CYP1A2: variants seen among roughly 807,000 people sequenced by gnomAD.
CYP1A2 encodes cytochrome P450 family 1 subfamily A member 2.
A neutral mutation model predicts 34.7 loss-of-function variants in CYP1A2; 35 were observed. That is an observed-to-expected ratio of 1.01 (90% CI 0.77 to 1.34). The LOEUF (loss-of-function observed/expected upper bound fraction) is 1.34, where lower values mean the gene tolerates loss of function less well. Ranked by LOEUF, CYP1A2 falls within the 40% of genes most tolerant of loss-of-function variation. The probability of loss-of-function intolerance (pLI) is 0.00; values close to 1 mark genes in which losing one functional copy is unlikely to be tolerated. For synonymous variants in CYP1A2, 288 were observed against 281.9 expected (o/e 1.02, Z -0.22); for missense variants, 675 against 675.8 (o/e 1.00, Z 0.01).
chr15:74,755,380 A>AC lies in CYP1A2; in HGVS notation c.*294dup, dbSNP rs150722579. ...AAAAAAACAAACAAACAAAAAAAAA[A>AC]CCATATATATACATATATATATAGC... On this transcript the variant is annotated 3_prime_UTR_variant, in exon 7 of 7. Coordinates refer to ENST00000343932, the MANE Select transcript of CYP1A2 (RefSeq NM_000761.5). 6,480 of 265,762 alleles carry AC rather than the reference A, an allele frequency of 0.024. 290 individuals carry two copies. The highest frequency in any genetic ancestry group is 0.09 in the South Asian group (1,257 of 13,962). 16.5% of individuals were successfully genotyped at this position (265,762 alleles called of 1,614,324 possible).
In CYP1A2 at chr15:74,751,790, C is replaced by A; in HGVS notation, c.978C>A (p.Ile326=). 6.2e-7 allele frequency: 1 copy of A among 1,614,188 alleles called. No individual in the cohort carries two copies. Among genetic ancestry groups the A allele is most frequent in the Non-Finnish European group, 8.5e-7 (1 of 1,180,024 alleles). Residue 326 remains isoleucine, a synonymous_variant, in exon 4 of 7, where the codon ATC becomes ATA. Transcript: ENST00000343932. ...GATTTGACACAGTCACCACAGCCATCTCCTGGAGCCTCATGTACCTTGTGA... is the reference window on the plus strand; with the variant it reads ...GATTTGACACAGTCACCACAGCCATATCCTGGAGCCTCATGTACCTTGTGA... ...GAGFDTVTTA[I]SWSLMYLVTK...
Position 74,754,878 on chromosome 15 carries a change from G to A in CYP1A2, c.1341G>A (p.Lys447=). 1 of 1,614,228 alleles carries A rather than the reference G, an allele frequency of 6.2e-7. No individual in the cohort carries two copies. The highest frequency in any genetic ancestry group is 8.5e-7 in the Non-Finnish European group (1 of 1,180,056). Residue 447 remains lysine, a synonymous_variant, in exon 7 of 7, where the codon AAG becomes AAA. Transcript: ENST00000343932. ...CCATTAACAAGCCCTTGAGTGAGAA[G>A]ATGATGCTGTTTGGCATGGGCAAGC... ...GTAINKPLSE[K]MMLFGMGKRR... is the part of the protein sequence containing the mutation.
chr15:74,752,409 C>T (rs2063320497), intron 5 of CYP1A2, among the ~76,000 whole-genome samples, 162 bp downstream of exon 5: 1 of 152,178 alleles, frequency 6.6e-6, no homozygotes, highest in Non-Finnish European at 1.5e-5. Context: ...TAATCTAACC[C>T]CCAGCTCTCA....
At chr15:74,751,428 G>T in intron 3 of CYP1A2, 119 bp downstream of exon 3, 1 of 1,432,554 alleles carries the variant, frequency 7.0e-7, no homozygotes, top group South Asian at 1.3e-5. Context: ...ACAACATACT[G>T]AGATCTGGCT....
chr15:74,751,068 G>A (rs546304984), intron 2 of CYP1A2, 121 bp from the exon 3 acceptor site: 6 of 1,392,580 alleles, frequency 4.3e-6, no homozygotes, highest in Non-Finnish European at 5.8e-6. Flanking sequence ...CCCCTGCCTA[G>A]AGACCAAGTT....
chr15:74,753,080 A>C, intron 5 of CYP1A2, 104 bp from the exon 6 acceptor site: 1 of 768,666 alleles, frequency 1.3e-6, no homozygotes, highest in Non-Finnish European at 2.2e-6. Context: ...CAGTGTAGGG[A>C]TGGAGATGGC....
intron 2 of CYP1A2, 76 bp from the exon 3 acceptor site, chr15:74,751,113 G>A: frequency 6.3e-7 from 1 of 1,586,660 alleles, no homozygotes; most frequent in Non-Finnish European, 8.6e-7. Flanking sequence ...ACCAGGTACA[G>A]GCCAGGGGAG....
At position 74,751,863 on chromosome 15, in the gene CYP1A2, G is replaced by A. The variant is rs1171882474; in HGVS notation, c.1042+9G>A. ...GATCCAGAAGGAGCTGGGTACATGG[G>A]GGCCCCCAACCCTATAGCCAGGAGA... is the stretch of plus-strand genomic sequence containing the variant. On this transcript the variant is annotated intron_variant, in intron 4 of 6. Coordinates refer to ENST00000343932, the MANE Select transcript of CYP1A2 (RefSeq NM_000761.5). 2 of 1,613,676 alleles carry A rather than the reference G, an allele frequency of 1.2e-6. No homozygotes were observed. The highest frequency in any genetic ancestry group is 8.5e-7 in the Non-Finnish European group (1 of 1,179,856).
rs750147621 is a variant in CYP1A2, at chr15:74,754,956, C to T, written c.1419C>T (p.Ala473=). 2 of 1,614,260 alleles carry T rather than the reference C, an allele frequency of 1.2e-6. No individual in the cohort carries two copies. The highest frequency in any genetic ancestry group is 1.7e-6 in the Non-Finnish European group (2 of 1,180,050). ...AGTGGGAGATCTTCCTCTTCCTGGCCATCCTGCTACAGCAACTGGAGTTCA... is the reference window on the plus strand; with the variant it reads ...AGTGGGAGATCTTCCTCTTCCTGGCTATCCTGCTACAGCAACTGGAGTTCA... ...LAKWEIFLFL[A]ILLQQLEFSV... The change falls in exon 7 of 7, where the codon GCC becomes GCT. Residue 473 remains alanine (A), a synonymous_variant. Coordinates refer to ENST00000343932, the MANE Select transcript of CYP1A2 (RefSeq NM_000761.5).
chr15:74,750,104 C>G lies in CYP1A2; in HGVS notation c.366C>G (p.Ser122Arg). ...CCACCCTCATCACTGATGGCCAGAGCTTGACCTTCAGCACAGACTCTGGAC... is the reference window on the plus strand; with the variant it reads ...CCACCCTCATCACTGATGGCCAGAGGTTGACCTTCAGCACAGACTCTGGAC... ...YTSTLITDGQ[S>R]LTFSTDSGPV... is the part of the protein sequence containing the mutation. The change falls in exon 2 of 7, where the codon AGC becomes AGG. Residue 122 changes from serine to arginine, a missense_variant. By Grantham distance (110) the Ser-to-Arg change is moderately radical. Coordinates refer to ENST00000343932, the MANE Select transcript of CYP1A2 (RefSeq NM_000761.5). The G allele has an allele frequency of 1.2e-6, 2 of 1,614,050 alleles. No individual in the cohort carries two copies. Among genetic ancestry groups the G allele is most frequent in the Non-Finnish European group, 1.7e-6 (2 of 1,180,044 alleles).
rs541517006 is a variant in CYP1A2 at position 74,753,688 on chromosome 15, C to T, written c.1253+418C>T. On this transcript the variant is annotated intron_variant, in intron 6 of 6. Coordinates refer to ENST00000343932, the MANE Select transcript of CYP1A2 (RefSeq NM_000761.5). ...GGTAGAGGCTGCAGTGAGCCGAGAT[C>T]GCTCCACTGCACTCCAGCCTGGGTG... Among the ~76,000 whole-genome samples, 6 of 150,646 alleles carry T rather than the reference C, an allele frequency of 4.0e-5. No individual in the cohort carries two copies. The South Asian group carries it at 8.4e-4, about 21-fold the overall frequency.
rs2063337925 is a variant in CYP1A2 at position 74,756,330 on chromosome 15, T to C, written c.*1242T>C. ...ACGGGTTTCACCATGTTGGCTAGAC[T>C]AGTCTCAAACTCCTGACCTCAAGTG... On this transcript the variant is annotated 3_prime_UTR_variant, in exon 7 of 7. Transcript: ENST00000343932. 6.6e-6 allele frequency: 1 copy of C among 152,182 alleles called. No individual in the cohort carries two copies. Among genetic ancestry groups the C allele is most frequent in the South Asian group, 2.1e-4 (1 of 4,836 alleles). The allele number at this position is 152,182 out of a possible 1,614,324, so 9.4% of individuals were successfully genotyped here.
rs367858322 is a variant in CYP1A2 at position 74,754,903 on chromosome 15, C to T, written c.1366C>T (p.Arg456Cys). Residue 456 changes from arginine to cysteine, a missense_variant, in exon 7 of 7, where the codon CGC becomes TGC. Arg to Cys is a radical substitution (Grantham distance 180). Transcript: ENST00000343932. The stretch of plus-strand genomic sequence containing the variant: ...GATGATGCTGTTTGGCATGGGCAAG[C>T]GCCGGTGTATCGGGGAAGTCCTGGC... Reference protein sequence around the residue: ...EKMMLFGMGKRRCIGEVLAKW... With the variant: ...EKMMLFGMGKCRCIGEVLAKW... 21 of 1,614,208 alleles carry T rather than the reference C, an allele frequency of 1.3e-5. No homozygotes were observed. In the African/African-American group the frequency reaches 2.1e-4, roughly 16 times the overall value.
Position 74,749,721 on chromosome 15 carries a change from T to A in CYP1A2, c.-9-9T>A, listed in dbSNP as rs772992604. 2.7e-5 allele frequency: 41 copies of A among 1,508,676 alleles called. No homozygotes were observed. In the Middle Eastern group the frequency reaches 5.4e-4, roughly 20 times the overall value. The allele number at this position is 1,508,676 out of a possible 1,614,324, so 93.5% of individuals were successfully genotyped here. Reference sequence around the variant, plus strand: ...ACCCTCAGCCTGGTCCCTCCTTTTTTCCCTGCAGTTGGTACAGATGGCATT... The same window carrying A: ...ACCCTCAGCCTGGTCCCTCCTTTTTACCCTGCAGTTGGTACAGATGGCATT... On this transcript the variant is annotated splice_polypyrimidine_tract_variant and intron_variant, in intron 1 of 6. Coordinates refer to ENST00000343932, the MANE Select transcript of CYP1A2 (RefSeq NM_000761.5).
At position 74,755,227 on chromosome 15, in the gene CYP1A2, G is replaced by A. The variant is rs1005714499; in HGVS notation, c.*139G>A. The A allele has an allele frequency of 1.3e-5, 12 of 954,432 alleles. No homozygotes were observed. The South Asian group carries it at 2.1e-4, about 17-fold the overall frequency. 59.1% of individuals were successfully genotyped at this position (954,432 alleles called of 1,614,324 possible). A position where few individuals can be genotyped will look rare whatever the true frequency, so the allele number is the denominator to read the frequency against. On this transcript the variant is annotated 3_prime_UTR_variant, in exon 7 of 7. Coordinates refer to ENST00000343932, the MANE Select transcript of CYP1A2 (RefSeq NM_000761.5). ...GGCCTGTAATCCCAGCATTTTAGGA[G>A]GCCAAGGTTGGAGGATCATTTGAGC...
chr15:74,754,427 C>CAAAAAAAAA (rs61283447), intron 6 of CYP1A2, among the ~76,000 whole-genome samples: 5 of 52,170 alleles, frequency 9.6e-5, no homozygotes, highest in Non-Finnish European at 2.1e-4. Context: ...CCCGTCTCTG[C>CAAAAAAAAA]AAAAAAAAAA....
chr15:74,751,983 C>A, intron 4 of CYP1A2, 129 bp downstream of exon 4: 1 of 1,518,192 alleles, frequency 6.6e-7, no homozygotes, highest in Non-Finnish European at 9.0e-7. Flanking sequence ...CTGCCCTTGC[C>A]TAGAAGATGT....
chr15:74,752,358 C>A, intron 5 of CYP1A2, 111 bp downstream of exon 5: 2 of 1,469,734 alleles, frequency 1.4e-6, no homozygotes, highest in South Asian at 2.5e-5. Flanking sequence ...CCTCGTTCCC[C>A]ACAGATCCCG....
chr15:74,751,388 A>C, intron 3 of CYP1A2, 79 bp downstream of exon 3: 1 of 1,578,482 alleles, frequency 6.3e-7, no homozygotes, highest in Non-Finnish European at 8.6e-7. Context: ...TCAGTCCATG[A>C]AATAACCCAC....
Sources: gnomAD v4.1 joint callset for allele counts (sites outside exome capture counted in the v4.1 genomes callset) on GRCh38, gnomAD v4.1.1 for gene constraint, MANE v1.5 for transcripts, NCBI Gene and HGNC (gene_info 2026-07-23, HGNC 2026-07-21) for gene names.